The following CKAP5 variants were observed in gnomAD, a reference collection of about 807,000 sequenced individuals.
CKAP5 encodes cytoskeleton-associated protein 5.
In CKAP5, 27 loss-of-function variants were observed where a neutral mutation model predicts 232.8. The ratio of observed to expected loss-of-function variants is 0.12; its 90% CI spans 0.09 to 0.16. The LOEUF (loss-of-function observed/expected upper bound fraction) is 0.16, where lower values mean the gene tolerates loss of function less well. Among genes scored for constraint, CKAP5 ranks in the 10% least tolerant of loss-of-function variants. The pLI is 1.00. For missense variants in CKAP5, 1,838 were observed against 2,424.7 expected (o/e 0.76, Z 5.08); for synonymous variants, 785 against 841.1 (o/e 0.93, Z 1.16).
chr11:46,844,058 TA>T (rs1256373290), intron 1 of CKAP5, among the ~76,000 whole-genome samples: 1 of 151,728 alleles, frequency 6.6e-6, no homozygotes, highest in African/African-American at 2.4e-5. Context: ...CTGTCTCTAC[TA>T]AAAATACAAA....
At chr11:46,842,724 T>C (rs989511712) in intron 1 of CKAP5, among the ~76,000 whole-genome samples, 39 of 151,990 alleles carry the variant, frequency 2.6e-4, no homozygotes, top group Middle Eastern at 3.2e-3. Context: ...TCCCAGCACT[T>C]TGGGAGGCCG....
chr11:46,823,475 CACAA>C (rs1486985784), intron 1 of CKAP5, among the ~76,000 whole-genome samples: 2 of 152,122 alleles, frequency 1.3e-5, no homozygotes, highest in Non-Finnish European at 2.9e-5. Context: ...GTTATATGAT[CACAA>C]ACATTTTCCC....
intron 24 of CKAP5, among the ~76,000 whole-genome samples, chr11:46,773,498 C>T (rs1416754788): frequency 2.0e-5 from 3 of 151,374 alleles, no homozygotes; most frequent in Admixed American, 2.0e-4. Context: ...ATCCACCCAC[C>T]GTGGCCTCCC....
chr11:46,765,252 G>A lies in CKAP5; in HGVS notation c.3416C>T (p.Ala1139Val). Residue 1139 changes from alanine to valine, a missense_variant, in exon 28 of 44, where the codon GCA (alanine) becomes GTA (valine). Physicochemically the swap from Ala to Val is moderately conservative, Grantham distance 64. This residue lies in a region of CKAP5 where 767 missense variants were observed against 954.6 expected (regional missense o/e 0.80). Coordinates refer to ENST00000529230, the MANE Select transcript of CKAP5 (RefSeq NM_001008938.4). ...TTTGCTTGGCATCTTCTTCCCTTGTGCACTCTACAACCAAGGTTCAGGGAA... is the reference window on the plus strand; with the variant it reads ...TTTGCTTGGCATCTTCTTCCCTTGTACACTCTACAACCAAGGTTCAGGGAA... ...APGLSSKAKSAQGKKMPSKTS... is the reference protein window; with the variant it reads ...APGLSSKAKSVQGKKMPSKTS... 1.9e-6 allele frequency: 3 copies of A among 1,610,172 alleles called. No homozygotes were observed. Among genetic ancestry groups the A allele is most frequent in the African/African-American group, 1.3e-5 (1 of 74,696 alleles).
At chr11:46,822,995 T>C (rs2134694210) in intron 1 of CKAP5, among the ~76,000 whole-genome samples, 1 of 152,286 alleles carries the variant, frequency 6.6e-6, no homozygotes, top group Middle Eastern at 3.4e-3. Flanking sequence ...CGTCTTGCTC[T>C]GTCGTCCAGG....
chr11:46,812,804 AT>A (rs1051586324), intron 4 of CKAP5, among the ~76,000 whole-genome samples: 2 of 149,314 alleles, frequency 1.3e-5, no homozygotes, highest in Non-Finnish European at 1.5e-5. Context: ...TGCCCGGCTA[AT>A]TTTTTTTTTG....
At chr11:46,770,372 G>A (rs865878820) in intron 25 of CKAP5, 4 of 394,802 alleles carry the variant, frequency 1.0e-5, no homozygotes, top group African/African-American at 2.0e-5. Flanking sequence ...TGCTTGTTAC[G>A]ATTTCAAATT....
rs2134627731 is a variant in CKAP5, at chr11:46,783,386, G to A, written c.2155-18C>T. 1 of 1,442,578 alleles carries A rather than the reference G, an allele frequency of 6.9e-7. No homozygotes were observed. The highest frequency in any genetic ancestry group is 1.4e-5 in the African/African-American group (1 of 71,366). The allele number at this position is 1,442,578 out of a possible 1,614,324, so 89.4% of individuals were successfully genotyped here. ...GACACAACCTGAAAAGGGAAAAACA[G>A]CAGATCTGTGTTTTATCTCGTATTT... On this transcript the variant is annotated intron_variant, in intron 17 of 43. Transcript: ENST00000529230.
At chr11:46,841,433 T>C (rs528132478) in intron 1 of CKAP5, among the ~76,000 whole-genome samples, 1 of 152,320 alleles carries the variant, frequency 6.6e-6, no homozygotes, top group Non-Finnish European at 1.5e-5. Context: ...TATTAAAGTT[T>C]CTTATTCTAT....
chr11:46,844,973 T>G (rs191619936), intron 1 of CKAP5, among the ~76,000 whole-genome samples: 43 of 152,306 alleles, frequency 2.8e-4, no homozygotes, highest in African/African-American at 9.4e-4. Context: ...ATTTAAAAAT[T>G]TTTTTACATG....
intron 1 of CKAP5, among the ~76,000 whole-genome samples, chr11:46,834,382 G>A (rs1939867314): frequency 6.6e-6 from 1 of 151,882 alleles, no homozygotes; most frequent in Non-Finnish European, 1.5e-5. Context: ...AGCCAGGCAT[G>A]GTGGTACATG....
intron 2 of CKAP5, 75 bp downstream of exon 2, chr11:46,821,100 C>G: frequency 9.7e-7 from 1 of 1,033,906 alleles, no homozygotes; most frequent in East Asian, 2.5e-5. Context: ...TCACACACTT[C>G]TAAGTAAGAT....
intron 24 of CKAP5, among the ~76,000 whole-genome samples, chr11:46,774,403 G>C (rs1242180107): frequency 6.6e-6 from 1 of 152,144 alleles, no homozygotes; most frequent in Non-Finnish European, 1.5e-5. Context: ...CATGAAAATG[G>C]CCATACTGCC....
In CKAP5 at chr11:46,810,994, C is replaced by CT; in HGVS notation, c.630+12dup. On this transcript the variant is annotated intron_variant, in intron 5 of 43. Coordinates refer to ENST00000529230, the MANE Select transcript of CKAP5 (RefSeq NM_001008938.4). ...ACCTTGTGCGAAAGCAACCAGAAAA[C>CT]TTTTTGTCTCACCTGAACAGAGTTT... is the stretch of plus-strand genomic sequence containing the variant. 2 of 1,567,400 alleles carry CT rather than the reference C, an allele frequency of 1.3e-6. No individual in the cohort carries two copies. The highest frequency in any genetic ancestry group is 8.6e-7 in the Non-Finnish European group (1 of 1,157,780).
At position 46,770,953 on chromosome 11, in the gene CKAP5, A is replaced by G; in HGVS notation, c.3021T>C (p.Pro1007=). The change falls in exon 25 of 44, where the codon CCT becomes CCC. Residue 1007 remains proline, a synonymous_variant. Coordinates refer to ENST00000529230, the MANE Select transcript of CKAP5 (RefSeq NM_001008938.4). ...ELLGWLAEKL[P]TLRSTPTDLI... is the part of the protein sequence containing the mutation. ...GGTCTGTAGGGGTGGAACGAAGAGT[A>G]GGTAGTTTCTCAGCCAGCCAGCCCA... 6.2e-7 allele frequency: 1 copy of G among 1,613,782 alleles called. No homozygotes were observed. The highest frequency in any genetic ancestry group is 8.5e-7 in the Non-Finnish European group (1 of 1,179,758).
chr11:46,752,742 G>A (rs914674888), intron 37 of CKAP5, 32 bp from the exon 38 acceptor site: 2 of 1,543,926 alleles, frequency 1.3e-6, no homozygotes, highest in African/African-American at 2.7e-5. Context: ...ACAGCATTAA[G>A]TTTCAAACCT....
intron 1 of CKAP5, among the ~76,000 whole-genome samples, chr11:46,838,265 CTT>C (rs1939961064): frequency 6.6e-6 from 1 of 152,050 alleles, no homozygotes. Flanking sequence ...ATTTTTCTAG[CTT>C]TCTTAAAGAC....
At chr11:46,750,067 G>A (rs955632484) in intron 42 of CKAP5, among the ~76,000 whole-genome samples, 1 of 152,190 alleles carries the variant, frequency 6.6e-6, no homozygotes, top group Admixed American at 6.6e-5. Context: ...CAAGGGCAGG[G>A]AACAATTTAT....
chr11:46,787,709 G>A (rs1297983792), intron 16 of CKAP5, among the ~76,000 whole-genome samples: 1 of 152,120 alleles, frequency 6.6e-6, no homozygotes, highest in Non-Finnish European at 1.5e-5. Context: ...AGAAAAAAAT[G>A]TATATATCTA....
Sources: gnomAD v4.1 joint callset for allele counts (sites outside exome capture counted in the v4.1 genomes callset) on GRCh38, gnomAD v4.1.1 for gene constraint, gnomAD v4.1.1 regional missense constraint, MANE v1.5 for transcripts, NCBI Gene and HGNC (gene_info 2026-07-23, HGNC 2026-07-21) for gene names.